Variants in PRODH2 observed in about 807,000 individuals in gnomAD.
PRODH2 encodes proline dehydrogenase 2.
PRODH2 carries 49 observed loss-of-function variants against 51.9 expected under a neutral mutation model. The observed-to-expected ratio is 0.94, with a 90% confidence interval of 0.75 to 1.20. The LOEUF (loss-of-function observed/expected upper bound fraction) is 1.20. PRODH2 is among the 50% of genes most tolerant of loss of function. The pLI is 0.00. For missense variants in PRODH2, 597 were observed against 610.9 expected, an observed-to-expected ratio of 0.98 and a Z score of 0.24; for synonymous variants, 249 against 260.7, an observed-to-expected ratio of 0.96 and a Z score of 0.43.
chr19:35,806,688 T>A lies in PRODH2; in HGVS notation c.821A>T (p.Gln274Leu), dbSNP rs781637123. The change falls in exon 6 of 10, where the codon CAG (glutamine) becomes CTG (leucine). Residue 274 changes from glutamine to leucine, a missense_variant. By Grantham distance (113) the Gln-to-Leu change is moderately radical (BLOSUM62 -2). Transcript: ENST00000653904. ...EGGPWVWNTY[Q>L]ACLKDTFERL... Reference sequence around the variant, plus strand: ...CACACTGCACACCTTTAGACAGGCCTGGTAGGTGTTCCACACCCAGGGCCC... The same window carrying A: ...CACACTGCACACCTTTAGACAGGCCAGGTAGGTGTTCCACACCCAGGGCCC... The A allele has an allele frequency of 9.3e-6, 15 of 1,614,004 alleles. No individual in the cohort carries two copies. The highest frequency in any genetic ancestry group is 1.3e-5 in the Non-Finnish European group (15 of 1,180,004).
intron 4 of PRODH2, 52 bp downstream of exon 4, chr19:35,811,910 G>A (rs954976464): frequency 1.7e-5 from 26 of 1,549,516 alleles, no homozygotes; most frequent in Admixed American, 1.2e-4. Flanking sequence ...CGGTGTGGCC[G>A]CATCTAAGTC....
chr19:35,811,327 G>A (rs1020768493), intron 4 of PRODH2, among the ~76,000 whole-genome samples: 5 of 151,416 alleles, frequency 3.3e-5, no homozygotes, highest in Middle Eastern at 3.4e-3. Flanking sequence ...CTGAGGCTGG[G>A]GGATTGCTTG....
Position 35,812,264 on chromosome 19 carries a change from C to A in PRODH2, c.380G>T (p.Trp127Leu). 6.2e-7 allele frequency: 1 copy of A among 1,613,524 alleles called. No homozygotes were observed. Among genetic ancestry groups the A allele is most frequent in the Non-Finnish European group, 8.5e-7 (1 of 1,179,952 alleles). Residue 127 changes from tryptophan (W) to leucine (L), a missense_variant, in exon 3 of 10, where the codon TGG becomes TTG. Trp to Leu is a moderately conservative substitution (Grantham distance 61, BLOSUM62 -2). Transcript: ENST00000653904. ...PDSAAKSGEAWYEGNLGAMLR... is the reference protein window; with the variant it reads ...PDSAAKSGEALYEGNLGAMLR... ...CATAGCACCGAGGTTCCCCTCATAC[C>A]ACGCCTCACTGCCCAGCCAGCAGGT...
chr19:35,801,838 T>C, intron 9 of PRODH2: 1 of 255,344 alleles, frequency 3.9e-6, no homozygotes, highest in Admixed American at 4.7e-5. Flanking sequence ...GCAGCTCAAA[T>C]TTGTGCCAGT....
At chr19:35,812,112 C>T (rs766509513) in intron 3 of PRODH2, 22 bp downstream of exon 3, 11 of 1,613,156 alleles carry the variant, frequency 6.8e-6, no homozygotes, top group South Asian at 3.3e-5. Context: ...CCTCCCCGCA[C>T]CCCCGTCTTT....
intron 4 of PRODH2, among the ~76,000 whole-genome samples, chr19:35,808,684 A>C (rs1972551459): frequency 6.6e-6 from 1 of 152,088 alleles, no homozygotes; most frequent in Non-Finnish European, 1.5e-5. Context: ...AGAGCAGGGA[A>C]GTCACTTGTC....
intron 7 of PRODH2, 125 bp from the exon 8 acceptor site, chr19:35,803,203 T>C (rs1490507890): frequency 2.2e-5 from 11 of 511,498 alleles, no homozygotes; most frequent in African/African-American, 2.1e-4. Context: ...CTGCACCAGT[T>C]GTAAGGGACA....
At chr19:35,801,727 C>T (rs979479427) in intron 9 of PRODH2, 6 of 160,998 alleles carry the variant, frequency 3.7e-5, no homozygotes, top group African/African-American at 1.4e-4. Flanking sequence ...AACCTTCCCC[C>T]AGTCCCAGGA....
intron 7 of PRODH2, among the ~76,000 whole-genome samples, chr19:35,803,647 C>A (rs184434534): frequency 6.6e-6 from 1 of 152,158 alleles, no homozygotes; most frequent in Non-Finnish European, 1.5e-5. Context: ...GGGACAGTGG[C>A]GGCGGTCTCA....
At chr19:35,810,607 C>T (rs1279151025) in intron 4 of PRODH2, among the ~76,000 whole-genome samples, 3 of 151,970 alleles carry the variant, frequency 2.0e-5, no homozygotes, top group Admixed American at 2.0e-4. Flanking sequence ...CTGCAACCTC[C>T]GCCTCCCGGT....
In PRODH2 at chr19:35,812,687, G is replaced by A. The variant is rs900688546; in HGVS notation, c.119C>T (p.Ala40Val). 5 of 1,607,760 alleles carry A rather than the reference G, an allele frequency of 3.1e-6. No homozygotes were observed. The African/African-American group carries it at 6.7e-5, about 21-fold the overall frequency. The change falls in exon 1 of 10, where the codon GCC (alanine) becomes GTC (valine). Residue 40 changes from alanine to valine, a missense_variant. By Grantham distance (64) the Ala-to-Val change is moderately conservative. Coordinates refer to ENST00000653904, the MANE Select transcript of PRODH2 (RefSeq NM_021232.2). The stretch of plus-strand genomic sequence containing the variant: ...GGCACACAGCCGGAGAACCAGCAAG[G>A]CCCGTGTCAGCTCTCCTGTGCCCTT... ...HLKGTGELTR[A>V]LLVLRLCAWP...
At chr19:35,801,960 C>G (rs1972438065) in intron 9 of PRODH2, 1 of 549,062 alleles carries the variant, frequency 1.8e-6, no homozygotes, top group Non-Finnish European at 3.3e-6. Context: ...TGAGGAGCAG[C>G]ACAGTAAAGA....
At chr19:35,806,126 C>T (rs1040753630) in intron 7 of PRODH2, among the ~76,000 whole-genome samples, 1 of 152,100 alleles carries the variant, frequency 6.6e-6, no homozygotes, top group African/African-American at 2.4e-5. Flanking sequence ...CGCTCTGCTG[C>T]CCAGGCTGAA....
intron 9 of PRODH2, among the ~76,000 whole-genome samples, chr19:35,801,038 G>A (rs559531408): frequency 1.0e-3 from 154 of 152,206 alleles, no homozygotes; most frequent in South Asian, 7.3e-3. Flanking sequence ...ATGGTGGTGC[G>A]TGCCTATAAT....
chr19:35,810,290 TA>T (rs200384502), intron 4 of PRODH2, among the ~76,000 whole-genome samples: 6 of 138,010 alleles, frequency 4.3e-5, no homozygotes, highest in South Asian at 2.3e-4. Context: ...ATAATAATAA[TA>T]AATAAATAGA....
rs575754632 is a variant in PRODH2, at chr19:35,810,726, G to A, written c.597+1236C>T. ...AGTAGAGACGGAGTTTTACCATGTT[G>A]GCCAGGCTGGTCTTGAACTCCTGAC... is the stretch of plus-strand genomic sequence containing the variant. On this transcript the variant is annotated intron_variant, in intron 4 of 9. Coordinates refer to ENST00000653904, the MANE Select transcript of PRODH2 (RefSeq NM_021232.2). Among the ~76,000 whole-genome samples, 378 of 152,188 alleles carry A rather than the reference G, an allele frequency of 2.5e-3. 1 individual carries two copies. The highest frequency in any genetic ancestry group is 0.024 in the Middle Eastern group (7 of 292).
chr19:35,807,196 T>C, intron 4 of PRODH2, 75 bp from the exon 5 acceptor site: 1 of 1,321,786 alleles, frequency 7.6e-7, no homozygotes, highest in Non-Finnish European at 1.1e-6. Flanking sequence ...ATCAGTTAGG[T>C]ACTATTTATT....
intron 4 of PRODH2, among the ~76,000 whole-genome samples, chr19:35,810,352 C>T (rs1972589607): frequency 6.6e-6 from 1 of 151,524 alleles, no homozygotes; most frequent in Non-Finnish European, 1.5e-5. Context: ...GAAACATCAG[C>T]ATGTCCACTA....
rs757796182 is a variant in PRODH2, at chr19:35,812,287, G to A, written c.372-15C>T. Reference sequence around the variant, plus strand: ...ACCACGCCTCACTGCCCAGCCAGCAGGTGTCAGGGCCCGAACAGCAAAGCC... The same window carrying A: ...ACCACGCCTCACTGCCCAGCCAGCAAGTGTCAGGGCCCGAACAGCAAAGCC... On this transcript the variant is annotated splice_polypyrimidine_tract_variant and intron_variant, in intron 2 of 9. Coordinates refer to ENST00000653904, the MANE Select transcript of PRODH2 (RefSeq NM_021232.2). 6 of 1,612,924 alleles carry A rather than the reference G, an allele frequency of 3.7e-6. No homozygotes were observed. The Admixed American group carries it at 6.7e-5, about 18-fold the overall frequency.
Sources: allele counts gnomAD v4.1 joint callset (sites outside exome capture counted in the v4.1 genomes callset), GRCh38; gene constraint gnomAD v4.1.1; transcripts MANE v1.5; gene names NCBI Gene and HGNC (gene_info 2026-07-23, HGNC 2026-07-21).